The following FAM227B variants were observed in gnomAD, a reference collection of about 807,000 sequenced individuals.
The protein encoded by FAM227B is protein FAM227B.
FAM227B carries 88 observed loss-of-function variants against 73.8 expected under a neutral mutation model. That is an observed-to-expected ratio of 1.19 (90% CI 1.00 to 1.42). The LOEUF (loss-of-function observed/expected upper bound fraction) is 1.42, where lower values mean the gene tolerates loss of function less well. Among genes scored for constraint, FAM227B ranks in the 40% most tolerant of loss-of-function variants. FAM227B has a pLI of 0.00. For synonymous variants in FAM227B, 210 were observed against 190.5 expected (o/e 1.10, Z -0.84); for missense variants, 632 against 590.9 (o/e 1.07, Z -0.72).
intron 11 of FAM227B, among the ~76,000 whole-genome samples, chr15:49,490,654 T>G (rs551543564): frequency 6.6e-6 from 1 of 152,134 alleles, no homozygotes; most frequent in African/African-American, 2.4e-5. Flanking sequence ...ATAATCATTA[T>G]TAGAATCATA....
At chr15:49,333,653 G>T (rs1433039011) in intron 14 of FAM227B, among the ~76,000 whole-genome samples, 2 of 152,164 alleles carry the variant, frequency 1.3e-5, no homozygotes, top group Non-Finnish European at 2.9e-5. Flanking sequence ...AGCTTTATAA[G>T]TTCTAAAATA....
chr15:49,507,736 A>C (rs60216777), intron 11 of FAM227B, among the ~76,000 whole-genome samples: 49,222 of 151,856 alleles, frequency 0.32, 8,694 homozygotes, highest in African/African-American at 0.45. Context: ...GGAAAAAAAA[A>C]ACCCATCATA....
At position 49,407,595 on chromosome 15, in the gene FAM227B, C is replaced by T. The variant is rs541802528; in HGVS notation, c.1013-36196G>A. Among the ~76,000 whole-genome samples the T allele has an allele frequency of 1.9e-4, 29 of 149,518 alleles. 1 individual carries two copies. The highest frequency in any genetic ancestry group is 6.3e-4 in the South Asian group (3 of 4,744). ...ATATTTAACTAGTTTCTTTACTCTC[C>T]GCTGTTTTGTCCCTCATTCGTACTA... On this transcript the variant is annotated intron_variant, in intron 11 of 15. Coordinates refer to ENST00000299338, the MANE Select transcript of FAM227B (RefSeq NM_152647.3).
intron 10 of FAM227B, among the ~76,000 whole-genome samples, chr15:49,520,635 G>A (rs2059714021): frequency 6.6e-6 from 1 of 152,172 alleles, no homozygotes; most frequent in South Asian, 2.1e-4. Context: ...GCTGGCAAGA[G>A]AGAGCATGTG....
At chr15:49,466,382 G>T (rs1567331711) in intron 11 of FAM227B, among the ~76,000 whole-genome samples, 1 of 152,156 alleles carries the variant, frequency 6.6e-6, no homozygotes, top group Non-Finnish European at 1.5e-5. Context: ...ATTTTGCATG[G>T]GAGAGGAAGA....
At chr15:49,540,391 T>C (rs190477648) in intron 10 of FAM227B, among the ~76,000 whole-genome samples, 3 of 152,312 alleles carry the variant, frequency 2.0e-5, no homozygotes, top group Non-Finnish European at 4.4e-5. Flanking sequence ...CCAGAAATCC[T>C]TTCTGTGCAA....
At chr15:49,528,400 GA>G (rs533195052) in intron 10 of FAM227B, among the ~76,000 whole-genome samples, 9 of 149,446 alleles carry the variant, frequency 6.0e-5, no homozygotes, top group Admixed American at 3.3e-4. Context: ...AATAATTCCA[GA>G]AAAAAAAACT....
At chr15:49,541,444 T>C (rs57843897) in intron 10 of FAM227B, among the ~76,000 whole-genome samples, 49,520 of 151,962 alleles carry the variant, frequency 0.33, 8,802 homozygotes, top group African/African-American at 0.45. Flanking sequence ...CAGTTTTCCA[T>C]AATAATTCCA....
At chr15:49,345,368 C>T (rs964728970) in intron 13 of FAM227B, among the ~76,000 whole-genome samples, 14 of 152,112 alleles carry the variant, frequency 9.2e-5, no homozygotes, top group African/African-American at 3.4e-4. Context: ...TGCTGGGCTG[C>T]ATGATGTTGG....
At chr15:49,545,255 A>T (rs967831316) in intron 9 of FAM227B, among the ~76,000 whole-genome samples, 1 of 152,104 alleles carries the variant, frequency 6.6e-6, no homozygotes, top group Admixed American at 6.6e-5. Context: ...GAATTTATCC[A>T]TCTCCTGTAG....
rs537538475 is a variant in FAM227B at position 49,500,855 on chromosome 15, G to C, written c.1012+7356C>G. ...TTGGTGGTAAGTGAGCTCTTGCTCT[G>C]AGTTCATATGAGGTCTGCTTGTTTA... On this transcript the variant is annotated intron_variant, in intron 11 of 15. Transcript: ENST00000299338. Among the ~76,000 whole-genome samples the C allele has an allele frequency of 2.6e-5, 4 of 152,262 alleles. No homozygotes were observed. The South Asian group carries it at 8.3e-4, about 32-fold the overall frequency.
At chr15:49,465,515 G>GT (rs2054189373) in intron 11 of FAM227B, among the ~76,000 whole-genome samples, 1 of 152,080 alleles carries the variant, frequency 6.6e-6, no homozygotes, top group Non-Finnish European at 1.5e-5. Flanking sequence ...GAAAACATAT[G>GT]TAAGTTGTTA....
chr15:49,356,937 A>T (rs1332944845), intron 13 of FAM227B, among the ~76,000 whole-genome samples: 1 of 148,938 alleles, frequency 6.7e-6, no homozygotes, highest in Non-Finnish European at 1.5e-5. Flanking sequence ...ATCTCACTCA[A>T]AACCGCTCCA....
intron 2 of FAM227B, among the ~76,000 whole-genome samples, chr15:49,614,281 C>G (rs547058895): frequency 1.3e-4 from 19 of 151,980 alleles, no homozygotes; most frequent in Non-Finnish European, 2.6e-4. Context: ...GGATATAAAA[C>G]ACCTACACTT....
chr15:49,464,503 G>A (rs556712347), intron 11 of FAM227B, among the ~76,000 whole-genome samples: 21 of 152,234 alleles, frequency 1.4e-4, no homozygotes, highest in African/African-American at 4.8e-4. Context: ...AGCTAATGAT[G>A]ATAAAATGCT....
At chr15:49,479,206 TA>T in intron 11 of FAM227B, among the ~76,000 whole-genome samples, 1 of 152,062 alleles carries the variant, frequency 6.6e-6, no homozygotes, top group Non-Finnish European at 1.5e-5. Flanking sequence ...GTGCTTGACA[TA>T]TTGCCTGGTT....
chr15:49,493,344 T>G (rs2057285022), intron 11 of FAM227B, among the ~76,000 whole-genome samples: 1 of 152,004 alleles, frequency 6.6e-6, no homozygotes, highest in Non-Finnish European at 1.5e-5. Context: ...ATTGGTTCCA[T>G]CCATCTGGTC....
chr15:49,441,702 T>C (rs972120809), intron 11 of FAM227B, among the ~76,000 whole-genome samples: 2 of 151,742 alleles, frequency 1.3e-5, no homozygotes, highest in African/African-American at 4.8e-5. Flanking sequence ...ATAATGATTA[T>C]AATACTATTT....
intron 10 of FAM227B, among the ~76,000 whole-genome samples, chr15:49,541,090 A>T (rs143022447): frequency 1.4e-3 from 220 of 152,324 alleles, no homozygotes; most frequent in African/African-American, 5.2e-3. Flanking sequence ...GGTGGTTAAT[A>T]ATAATAATCT....
Sources: allele counts gnomAD v4.1 joint callset (sites outside exome capture counted in the v4.1 genomes callset), GRCh38; gene constraint gnomAD v4.1.1; transcripts MANE v1.5; gene names NCBI Gene and HGNC (gene_info 2026-07-23, HGNC 2026-07-21).